The following CHN2 variants were observed in gnomAD, a reference collection of about 807,000 sequenced individuals.
CHN2 encodes beta-chimaerin.
A neutral mutation model predicts 56.3 loss-of-function variants in CHN2; 35 were observed. The observed-to-expected ratio is 0.62, with a 90% CI of 0.47 to 0.82. The LOEUF is 0.82. Among genes scored for constraint, CHN2 ranks in the 40% least tolerant of loss-of-function variants. CHN2 has a pLI of 0.00. For synonymous variants in CHN2, 210 were observed against 212.8 expected (o/e 0.99, Z 0.12); for missense variants, 491 against 580.5 (o/e 0.85, Z 1.58).
chr7:29,484,082 A>T, intron 7 of CHN2: 1 of 412,916 alleles, frequency 2.4e-6, no homozygotes, highest in South Asian at 1.9e-5. Context: ...TCTCTTCTTC[A>T]TGGCTTTTTT....
At chr7:29,431,813 A>G (rs4719973) in intron 6 of CHN2, among the ~76,000 whole-genome samples, 78,175 of 152,012 alleles carry the variant, frequency 0.51, 23,122 homozygotes, top group African/African-American at 0.82. Flanking sequence ...CCACACTCCC[A>G]TCAGCCCCTG....
chr7:29,184,151 TGATAGATAGATA>T (rs56102038), intron 2 of CHN2, among the ~76,000 whole-genome samples: 15,871 of 143,314 alleles, frequency 0.11, 932 homozygotes, highest in Non-Finnish European at 0.13. Flanking sequence ...TACAGATAGA[TGATAGATAGATA>T]GATAGATAGA....
intron 1 of CHN2, among the ~76,000 whole-genome samples, chr7:29,220,504 G>A (rs1455411953): frequency 6.6e-6 from 1 of 151,846 alleles, no homozygotes; most frequent in Non-Finnish European, 1.5e-5. Context: ...AGATCAAAAA[G>A]ATAAGATACT....
At chr7:29,249,753 T>G (rs1788346149) in intron 1 of CHN2, among the ~76,000 whole-genome samples, 1 of 152,228 alleles carries the variant, frequency 6.6e-6, no homozygotes, top group Non-Finnish European at 1.5e-5. Context: ...TGAAAGATAT[T>G]ATGGAATAAA....
intron 1 of CHN2, among the ~76,000 whole-genome samples, chr7:29,271,629 G>A (rs1429463550): frequency 6.6e-6 from 1 of 152,186 alleles, no homozygotes; most frequent in Non-Finnish European, 1.5e-5. Context: ...ACACTTATAA[G>A]GAAGAAACAG....
chr7:29,245,282 G>A (rs1787981886), intron 1 of CHN2, among the ~76,000 whole-genome samples: 1 of 152,150 alleles, frequency 6.6e-6, no homozygotes, highest in Admixed American at 6.5e-5. Context: ...AGTGTCCGTG[G>A]ACTCTCTTCA....
chr7:29,332,299 C>A (rs776916759), intron 1 of CHN2, among the ~76,000 whole-genome samples: 2 of 152,076 alleles, frequency 1.3e-5, no homozygotes, highest in Non-Finnish European at 2.9e-5. Context: ...CTGTGGGGTT[C>A]TTGGGAGGCT....
chr7:29,215,490 A>C (rs895599007), intron 1 of CHN2, among the ~76,000 whole-genome samples: 1 of 152,154 alleles, frequency 6.6e-6, no homozygotes, highest in Non-Finnish European at 1.5e-5. Context: ...TAACTCCTTA[A>C]TGCCAGGAAA....
At chr7:29,324,072 G>A (rs1795601532) in intron 1 of CHN2, among the ~76,000 whole-genome samples, 1 of 151,648 alleles carries the variant, frequency 6.6e-6, no homozygotes, top group African/African-American at 2.4e-5. Flanking sequence ...CCTCCTGTGG[G>A]TTGAATCACT....
chr7:29,276,755 T>A (rs946100461), intron 1 of CHN2, among the ~76,000 whole-genome samples: 2 of 152,222 alleles, frequency 1.3e-5, no homozygotes, highest in African/African-American at 4.8e-5. Flanking sequence ...CCTAAAATTG[T>A]GGCTTGACCC....
intron 7 of CHN2, among the ~76,000 whole-genome samples, chr7:29,481,678 T>A (rs1297432496): frequency 1.4e-5 from 2 of 139,022 alleles, no homozygotes; most frequent in Non-Finnish European, 3.2e-5. Context: ...TTTTTTTTAC[T>A]CTGTTTTCCA....
chr7:29,308,680 C>CA (rs1228191853), intron 1 of CHN2, among the ~76,000 whole-genome samples: 5 of 152,186 alleles, frequency 3.3e-5, no homozygotes, highest in African/African-American at 4.8e-5. Context: ...CATATGGCCT[C>CA]ACCTGGATGT....
upstream of CHN2, chr7:29,194,682 C>T (rs1292365991): frequency 1.3e-5 from 5 of 374,434 alleles, no homozygotes; most frequent in African/African-American, 4.3e-5. Flanking sequence ...CCCTCTGCTC[C>T]CACCTACCCC....
chr7:29,332,533 T>G (rs1351327850), intron 1 of CHN2, among the ~76,000 whole-genome samples: 1 of 152,182 alleles, frequency 6.6e-6, no homozygotes, highest in Non-Finnish European at 1.5e-5. Context: ...TCTCTCGCAA[T>G]GCTGGGCAGT....
At chr7:29,319,206 G>C (rs775282331) in intron 1 of CHN2, among the ~76,000 whole-genome samples, 1 of 152,164 alleles carries the variant, frequency 6.6e-6, no homozygotes, top group Non-Finnish European at 1.5e-5. Flanking sequence ...GTTTTGTAAA[G>C]GTCTTCCTGC....
At chr7:29,347,201 C>A (rs1797513898) in intron 1 of CHN2, among the ~76,000 whole-genome samples, 1 of 152,080 alleles carries the variant, frequency 6.6e-6, no homozygotes, top group Non-Finnish European at 1.5e-5. Context: ...CTGAGAATTT[C>A]AATTGACCTA....
At chr7:29,253,832 A>G (rs574308729) in intron 1 of CHN2, among the ~76,000 whole-genome samples, 1 of 152,312 alleles carries the variant, frequency 6.6e-6, no homozygotes, top group Non-Finnish European at 1.5e-5. Flanking sequence ...TGTTATTTTG[A>G]TAATTATATG....
At chr7:29,201,904 A>T (rs1050272876) in intron 1 of CHN2, among the ~76,000 whole-genome samples, 16 of 152,232 alleles carry the variant, frequency 1.1e-4, no homozygotes, top group Admixed American at 3.9e-4. Flanking sequence ...TTTTTAAAAA[A>T]GTAATTTCTT....
At chr7:29,359,021 G>A (rs1798532505) in intron 2 of CHN2, among the ~76,000 whole-genome samples, 1 of 152,158 alleles carries the variant, frequency 6.6e-6, no homozygotes, top group South Asian at 2.1e-4. Context: ...AACAATATCA[G>A]GGCTGTGCTT....
Sources: allele counts gnomAD v4.1 joint callset (sites outside exome capture counted in the v4.1 genomes callset), GRCh38; gene constraint gnomAD v4.1.1; transcripts MANE v1.5; gene names NCBI Gene and HGNC (gene_info 2026-07-23, HGNC 2026-07-21).